Variants in DDRGK1 observed in about 807,000 individuals in gnomAD.
DDRGK1 encodes the protein DDRGK domain-containing protein 1.
DDRGK1 carries 38 observed loss-of-function variants against 45.8 expected under a neutral mutation model. The ratio of observed to expected loss-of-function variants is 0.83; its 90% CI spans 0.64 to 1.09. The LOEUF (loss-of-function observed/expected upper bound fraction) is 1.09, where lower values mean the gene tolerates loss of function less well. DDRGK1 is among the 50% of genes least tolerant of loss of function. The pLI is 0.00. For missense variants in DDRGK1, 403 were observed against 419.9 expected (o/e 0.96, Z 0.35); for synonymous variants, 171 against 168.7 (o/e 1.01, Z -0.11).
At chr20:3,203,077 C>A (rs2067047742) in intron 2 of DDRGK1, 136 bp downstream of exon 2, 2 of 786,272 alleles carry the variant, frequency 2.5e-6, no homozygotes, top group Non-Finnish European at 3.9e-6. Context: ...CAAGTCCCCC[C>A]CTACTCTACC....
intron 6 of DDRGK1, among the ~76,000 whole-genome samples, chr20:3,193,979 C>A (rs971467261): frequency 2.0e-5 from 3 of 152,120 alleles, no homozygotes; most frequent in Non-Finnish European, 4.4e-5. Flanking sequence ...AGAGAGAGGG[C>A]TCCATGAGAG....
chr20:3,191,542 G>A (rs1048327194), intron 7 of DDRGK1: 1 of 734,810 alleles, frequency 1.4e-6, no homozygotes, highest in East Asian at 2.7e-5. Flanking sequence ...TGGTCACAGG[G>A]GCTGGCAGAG....
In DDRGK1 at chr20:3,204,618, G is replaced by A; in HGVS notation, c.10C>T (p.Pro4Ser). The A allele has an allele frequency of 6.3e-7, 1 of 1,587,282 alleles. No homozygotes were observed. ...GCCGCCGCTACCAAGTACCACACAG[G>A]CGCCACCATGACGAGGGCCTCAGTG... The part of the protein sequence containing the change: MVA[P>S]VWYLVAAALL... The change falls in exon 1 of 9, where the codon CCT becomes TCT. Residue 4 changes from proline (P) to serine (S), a missense_variant. Coordinates refer to ENST00000354488, the MANE Select transcript of DDRGK1 (RefSeq NM_023935.3).
intron 6 of DDRGK1, among the ~76,000 whole-genome samples, chr20:3,192,942 G>A (rs2066995497): frequency 6.6e-6 from 1 of 152,290 alleles, no homozygotes; most frequent in Non-Finnish European, 1.5e-5. Context: ...TGGTCAGCTG[G>A]TCTCTACCTA....
intron 1 of DDRGK1, among the ~76,000 whole-genome samples, chr20:3,203,667 G>A (rs932699676): frequency 6.6e-6 from 1 of 152,214 alleles, no homozygotes; most frequent in African/African-American, 2.4e-5. Context: ...CTTTCCAGCT[G>A]GCCTGTCAGG....
rs78897019 is a variant in DDRGK1, at chr20:3,200,169, G to C, written c.409-67C>G. 3.6e-3 allele frequency: 5,623 copies of C among 1,560,176 alleles called. 167 individuals are homozygous for C. In the African/African-American group the frequency reaches 0.067, roughly 19 times the overall value. ...CTAGAGTGTGCCCACCGCCCAGACA[G>C]ACTAGGGAAGGCAATGCCTGGGCCA... On this transcript the variant is annotated intron_variant, in intron 3 of 8. Transcript: ENST00000354488.
At chr20:3,196,435 T>A (rs999453948) in intron 4 of DDRGK1, among the ~76,000 whole-genome samples, 1 of 151,752 alleles carries the variant, frequency 6.6e-6, no homozygotes, top group Non-Finnish European at 1.5e-5. Flanking sequence ...CCCAGCACTT[T>A]GGGAGGCCAA....
chr20:3,200,667 A>G (rs1331518581), intron 2 of DDRGK1, among the ~76,000 whole-genome samples: 1 of 152,214 alleles, frequency 6.6e-6, no homozygotes, highest in African/African-American at 2.4e-5. Flanking sequence ...TGAGGGGCCC[A>G]TAGGGCAAGG....
rs901717094 is a variant in DDRGK1 at position 3,200,677 on chromosome 20, G to C, written c.296-223C>G. ...AACGGTGAGGGGCCCATAGGGCAAG[G>C]GAAAAGATGAGAACTTTAGGCCGGG... is the stretch of plus-strand genomic sequence containing the variant. On this transcript the variant is annotated intron_variant, in intron 2 of 8. Coordinates refer to ENST00000354488, the MANE Select transcript of DDRGK1 (RefSeq NM_023935.3). Among the ~76,000 whole-genome samples the C allele has an allele frequency of 2.0e-5, 3 of 152,182 alleles. No homozygotes were observed. In the East Asian group the frequency reaches 5.8e-4, roughly 29 times the overall value.
intron 4 of DDRGK1, among the ~76,000 whole-genome samples, 169 bp downstream of exon 4, chr20:3,199,831 CA>C (rs2067027864): frequency 6.6e-6 from 1 of 152,196 alleles, no homozygotes; most frequent in Non-Finnish European, 1.5e-5. Flanking sequence ...TGCTTTTCAG[CA>C]GTGGCTTTTC....
At chr20:3,198,267 G>A (rs187574990) in intron 4 of DDRGK1, among the ~76,000 whole-genome samples, 12 of 151,726 alleles carry the variant, frequency 7.9e-5, no homozygotes, top group East Asian at 5.9e-4. Context: ...TTAGCTGAGC[G>A]TGGTGGTGCA....
intron 1 of DDRGK1, 141 bp from the exon 2 acceptor site, chr20:3,203,557 TG>T: frequency 8.1e-7 from 1 of 1,230,886 alleles, no homozygotes; most frequent in Non-Finnish European, 1.1e-6. Flanking sequence ...TCAGTCTGAC[TG>T]GCAAGGCCTT....
chr20:3,195,754 C>T (rs1331141324), intron 4 of DDRGK1, among the ~76,000 whole-genome samples: 3 of 152,090 alleles, frequency 2.0e-5, no homozygotes, highest in Non-Finnish European at 4.4e-5. Context: ...ATTTCCTCAC[C>T]ACCCACTCAC....
Position 3,203,317 on chromosome 20 carries a change from G to C in DDRGK1, c.191C>G (p.Pro64Arg). 1 of 1,608,998 alleles carries C rather than the reference G, an allele frequency of 6.2e-7. No individual in the cohort carries two copies. The change falls in exon 2 of 9, where the codon CCT becomes CGT. Residue 64 changes from proline (P) to arginine (R), a missense_variant. By Grantham distance (103) the Pro-to-Arg change is moderately radical (BLOSUM62 -2). Transcript: ENST00000354488. Reference protein sequence around the residue: ...EPEEPRAGGRPRRRRDLGSRL... With the variant: ...EPEEPRAGGRRRRRRDLGSRL... ...GCTGCCCAGGTCCCTCCGGCGCCGA[G>C]GCCTGCCTCCAGCTCTCGGCTCCTC...
chr20:3,194,707 TG>T, intron 6 of DDRGK1, 122 bp downstream of exon 6: 2 of 1,317,168 alleles, frequency 1.5e-6, no homozygotes, highest in Admixed American at 2.0e-5. Flanking sequence ...TCTGCCCCTC[TG>T]GGCCCCCCTG....
intron 4 of DDRGK1, among the ~76,000 whole-genome samples, chr20:3,197,209 T>G: frequency 1.7e-5 from 2 of 118,010 alleles, no homozygotes; most frequent in African/African-American, 3.4e-5. Context: ...GATGACAGAG[T>G]GAGACTCCAT....
chr20:3,202,484 T>C (rs1402383433), intron 2 of DDRGK1, among the ~76,000 whole-genome samples: 1 of 152,086 alleles, frequency 6.6e-6, no homozygotes, highest in Non-Finnish European at 1.5e-5. Context: ...CCTTTGCCCA[T>C]CAAACCCTGG....
intron 7 of DDRGK1, 167 bp downstream of exon 7, chr20:3,191,598 T>G: frequency 1.1e-6 from 1 of 871,876 alleles, no homozygotes; most frequent in South Asian, 1.4e-5. Flanking sequence ...GTTCGTCCAT[T>G]AAAAATGCAG....
intron 6 of DDRGK1, among the ~76,000 whole-genome samples, chr20:3,193,087 G>A (rs2066996029): frequency 6.6e-6 from 1 of 152,150 alleles, no homozygotes; most frequent in African/African-American, 2.4e-5. Flanking sequence ...AGCTAGGTGT[G>A]GTGGCACCCA....
Sources: allele counts gnomAD v4.1 joint callset (sites outside exome capture counted in the v4.1 genomes callset), GRCh38; gene constraint gnomAD v4.1.1; transcripts MANE v1.5; gene names NCBI Gene and HGNC (gene_info 2026-07-23, HGNC 2026-07-21).